The following CTDSPL2 variants were observed in gnomAD, a reference collection of about 807,000 sequenced individuals.
The protein encoded by CTDSPL2 is CTD small phosphatase-like protein 2.
A neutral mutation model predicts 60.0 loss-of-function variants in CTDSPL2; 5 were observed. The ratio of observed to expected loss-of-function variants is 0.08; its 90% CI spans 0.04 to 0.18. The LOEUF (loss-of-function observed/expected upper bound fraction) is 0.18, where lower values mean the gene tolerates loss of function less well. CTDSPL2 is among the 10% of genes least tolerant of loss of function. CTDSPL2 has a pLI of 1.00. For synonymous variants in CTDSPL2, 186 were observed against 189.3 expected (o/e 0.98, Z 0.14); for missense variants, 370 against 548.8 (o/e 0.67, Z 3.26).
At chr15:44,512,027 T>C (rs1349186552) in intron 8 of CTDSPL2, among the ~76,000 whole-genome samples, 1 of 151,874 alleles carries the variant, frequency 6.6e-6, no homozygotes, top group Non-Finnish European at 1.5e-5. Context: ...AGAGCCCATC[T>C]CTACCAAAAA....
intron 2 of CTDSPL2, among the ~76,000 whole-genome samples, chr15:44,468,662 A>AT (rs535333341): frequency 3.3e-5 from 5 of 152,228 alleles, no homozygotes; most frequent in Admixed American, 6.6e-5. Context: ...TGCAGCTACT[A>AT]TTCAACTGCC....
intron 3 of CTDSPL2, among the ~76,000 whole-genome samples, chr15:44,485,604 C>G (rs556113973): frequency 6.6e-6 from 1 of 152,310 alleles, no homozygotes; most frequent in East Asian, 1.9e-4. Flanking sequence ...AGAGCTCAGG[C>G]GTTAATGCTT....
intron 1 of CTDSPL2, among the ~76,000 whole-genome samples, chr15:44,429,986 T>G (rs1186518638): frequency 6.6e-6 from 1 of 152,264 alleles, no homozygotes; most frequent in East Asian, 1.9e-4. Context: ...TTCACAAGAT[T>G]CCATTCTACA....
chr15:44,463,463 T>G (rs1247536543), intron 2 of CTDSPL2, among the ~76,000 whole-genome samples: 4 of 152,284 alleles, frequency 2.6e-5, no homozygotes, highest in East Asian at 1.9e-4. Flanking sequence ...TAATTAACAT[T>G]TTTGGGTAAG....
intron 8 of CTDSPL2, among the ~76,000 whole-genome samples, chr15:44,508,032 A>G (rs1405624137): frequency 1.3e-5 from 2 of 152,052 alleles, no homozygotes; most frequent in African/African-American, 4.8e-5. Flanking sequence ...TGTGGTATCT[A>G]CTGATGGTAA....
At position 44,524,362 on chromosome 15, in the gene CTDSPL2, T is replaced by C. The variant is rs1008358465; in HGVS notation, c.*188T>C. The C allele has an allele frequency of 1.7e-6, 1 of 575,224 alleles. No homozygotes were observed. The highest frequency in any genetic ancestry group is 3.1e-6 in the Non-Finnish European group (1 of 323,852). The allele number at this position is 575,224 out of a possible 1,614,324, so 35.6% of individuals were successfully genotyped here. ...TTATCTATCTCAGATCGAATACATA[T>C]AGTAGGTAGGCTAAAACAGAAGAGT... On this transcript the variant is annotated 3_prime_UTR_variant, in exon 13 of 13. Transcript: ENST00000260327.
At chr15:44,431,692 T>TTTTGTTTG (rs1331963251) in intron 1 of CTDSPL2, among the ~76,000 whole-genome samples, 6 of 146,380 alleles carry the variant, frequency 4.1e-5, no homozygotes, top group East Asian at 2.0e-4. Context: ...GAGTTAAGTT[T>TTTTGTTTG]TTTGTTTGTT....
chr15:44,442,962 G>A (rs1287515457), intron 1 of CTDSPL2, among the ~76,000 whole-genome samples: 1 of 151,816 alleles, frequency 6.6e-6, no homozygotes, highest in Non-Finnish European at 1.5e-5. Flanking sequence ...GGGTGACAGG[G>A]TGAGACCGTG....
chr15:44,509,754 C>T (rs1488173897), intron 8 of CTDSPL2, among the ~76,000 whole-genome samples: 4 of 151,592 alleles, frequency 2.6e-5, no homozygotes, highest in Non-Finnish European at 5.9e-5. Flanking sequence ...GTCAAAACCC[C>T]GTCTCTACTA....
chr15:44,500,038 G>C (rs1042033264), intron 8 of CTDSPL2, among the ~76,000 whole-genome samples: 4 of 152,132 alleles, frequency 2.6e-5, no homozygotes, highest in African/African-American at 9.7e-5. Context: ...TTCTTACCTT[G>C]AGATCTCAGC....
At chr15:44,508,539 T>TG (rs1056985055) in intron 8 of CTDSPL2, among the ~76,000 whole-genome samples, 3 of 152,210 alleles carry the variant, frequency 2.0e-5, no homozygotes, top group African/African-American at 7.2e-5. Context: ...GATGATTCCT[T>TG]GGATTCATCA....
intron 2 of CTDSPL2, among the ~76,000 whole-genome samples, chr15:44,463,647 G>A (rs532881917): frequency 1.3e-5 from 2 of 152,292 alleles, no homozygotes; most frequent in East Asian, 3.9e-4. Flanking sequence ...AGTAAATAAT[G>A]TGGTTAATTT....
chr15:44,473,910 T>G (rs1176099738), intron 2 of CTDSPL2, among the ~76,000 whole-genome samples: 2 of 152,204 alleles, frequency 1.3e-5, no homozygotes, highest in Non-Finnish European at 2.9e-5. Flanking sequence ...TAACCTGCAT[T>G]GTTTTAACTT....
intron 5 of CTDSPL2, among the ~76,000 whole-genome samples, chr15:44,493,455 C>T (rs921523419): frequency 6.6e-6 from 1 of 152,010 alleles, no homozygotes; most frequent in Non-Finnish European, 1.5e-5. Context: ...GTTTTGCAGG[C>T]TAAAGGAGAT....
chr15:44,523,709 C>A (rs559240746), intron 12 of CTDSPL2, among the ~76,000 whole-genome samples: 6 of 152,124 alleles, frequency 3.9e-5, no homozygotes, highest in African/African-American at 1.4e-4. Flanking sequence ...ACCAGCCTGG[C>A]CAACATGGTG....
rs1234974983 is a variant in CTDSPL2, at chr15:44,528,017, T to C, written c.*3843T>C. The C allele has an allele frequency of 1.3e-5, 2 of 152,204 alleles. No individual in the cohort carries two copies. Among genetic ancestry groups the C allele is most frequent in the Non-Finnish European group, 2.9e-5 (2 of 68,030 alleles). 9.4% of individuals were successfully genotyped at this position (152,204 alleles called of 1,614,324 possible). On this transcript the variant is annotated 3_prime_UTR_variant, in exon 13 of 13. Transcript: ENST00000260327. ...TATTTAAATGCTACTTAAGTTATTA[T>C]TGGAATCCAAGTCTCACTAACTAGG...
rs748798989 is a variant in CTDSPL2 at position 44,519,163 on chromosome 15, GT to G, written c.1113-3del. 4 of 1,461,558 alleles carry G rather than the reference GT, an allele frequency of 2.7e-6. No homozygotes were observed. The highest frequency in any genetic ancestry group is 3.6e-6 in the Non-Finnish European group (4 of 1,108,660). The allele number at this position is 1,461,558 out of a possible 1,614,324, so 90.5% of individuals were successfully genotyped here. A position where few individuals can be genotyped will look rare whatever the true frequency, so the allele number is the denominator to read the frequency against. On this transcript the variant is annotated splice_polypyrimidine_tract_variant and splice_region_variant and intron_variant, in intron 10 of 12. Transcript: ENST00000260327. ...TTTTTTAATTTGTTTTTATTTTTATGTTTAGGCACCGGCTTTTCCGTGAACA... is the reference window on the plus strand; with the variant it reads ...TTTTTTAATTTGTTTTTATTTTTATGTTAGGCACCGGCTTTTCCGTGAACA...
intron 8 of CTDSPL2, among the ~76,000 whole-genome samples, chr15:44,511,836 C>G (rs924924916): frequency 6.9e-6 from 1 of 144,984 alleles, no homozygotes; most frequent in African/African-American, 2.6e-5. Flanking sequence ...TTACTGCACT[C>G]CAGCCTGGGC....
chr15:44,506,749 T>G (rs1033484859), intron 8 of CTDSPL2, among the ~76,000 whole-genome samples: 2 of 149,828 alleles, frequency 1.3e-5, no homozygotes, highest in Non-Finnish European at 3.0e-5. Flanking sequence ...CAGGTTGATT[T>G]CTGTTTGAGT....
Sources: gnomAD v4.1 joint callset for allele counts (sites outside exome capture counted in the v4.1 genomes callset) on GRCh38, gnomAD v4.1.1 for gene constraint, MANE v1.5 for transcripts, NCBI Gene and HGNC (gene_info 2026-07-23, HGNC 2026-07-21) for gene names.